Variants in ANK1 observed in about 807,000 individuals in gnomAD.
ANK1 encodes the protein ankyrin 1, also known as ankyrin-1.
In ANK1, 51 loss-of-function variants were observed where a neutral mutation model predicts 210.4. That is an observed-to-expected ratio of 0.24 (90% CI 0.19 to 0.31). The LOEUF (loss-of-function observed/expected upper bound fraction) is 0.31, where lower values mean the gene tolerates loss of function less well. ANK1 is among the 10% of genes least tolerant of loss of function. The probability of loss-of-function intolerance (pLI) is 1.00; values close to 1 mark genes in which losing one functional copy is unlikely to be tolerated. For synonymous variants in ANK1, 967 were observed against 1,025.9 expected (o/e 0.94, Z 1.10); for missense variants, 2,051 against 2,504.4 (o/e 0.82, Z 3.86).
Position 41,722,182 on chromosome 8 carries a change from C to T in ANK1, c.909+943G>A, listed in dbSNP as rs146224246. 3.7e-3 allele frequency among the ~76,000 whole-genome samples: 568 copies of T among 152,262 alleles called. 4 individuals carry two copies. The highest frequency in any genetic ancestry group is 5.4e-3 in the Non-Finnish European group (369 of 68,018). ...GGCAAGACACACGTTCATAGTCACA[C>T]GGCAAATCAGCCAAGGATGGAGGGC... is the stretch of plus-strand genomic sequence containing the variant. On this transcript the variant is annotated intron_variant, in intron 9 of 42. Transcript: ENST00000289734.
intron 1 of ANK1, among the ~76,000 whole-genome samples, chr8:41,858,651 C>T (rs1812668165): frequency 2.0e-5 from 3 of 152,208 alleles, no homozygotes; most frequent in Non-Finnish European, 2.9e-5. Context: ...AGATTAGGCC[C>T]GGATTCCGCT....
At chr8:41,722,100 A>G (rs1258951305) in intron 9 of ANK1, among the ~76,000 whole-genome samples, 2 of 152,200 alleles carry the variant, frequency 1.3e-5, no homozygotes, top group African/African-American at 4.8e-5. Context: ...GGTCATCCCA[A>G]TAATCCTAGG....
chr8:41,886,852 G>C (rs1818524624), intron 1 of ANK1, among the ~76,000 whole-genome samples: 1 of 152,186 alleles, frequency 6.6e-6, no homozygotes, highest in Admixed American at 6.5e-5. Flanking sequence ...AAAGAAGGGA[G>C]TGTCAGGATC....
chr8:41,692,948 G>T, intron 30 of ANK1, 72 bp from the exon 31 acceptor site: 1 of 1,549,150 alleles, frequency 6.5e-7, no homozygotes, highest in Non-Finnish European at 8.9e-7. Context: ...GACGGGAGCA[G>T]CCCGTGAGCC....
At chr8:41,701,020 C>T (rs1262200022) in intron 22 of ANK1, among the ~76,000 whole-genome samples, 29 of 152,184 alleles carry the variant, frequency 1.9e-4, no homozygotes, top group Admixed American at 1.6e-3. Context: ...CCTCCAACCT[C>T]GGCTGCCCAA....
At chr8:41,787,095 G>A (rs896913192) in intron 1 of ANK1, among the ~76,000 whole-genome samples, 1 of 152,212 alleles carries the variant, frequency 6.6e-6, no homozygotes, top group Non-Finnish European at 1.5e-5. Context: ...GGGGGCCATG[G>A]CCTTAAGGGG....
At chr8:41,707,013 T>C (rs7842694) in intron 17 of ANK1, among the ~76,000 whole-genome samples, 51,927 of 152,114 alleles carry the variant, frequency 0.34, 9,494 homozygotes, top group African/African-American at 0.46. Context: ...GGCAGGAGAA[T>C]CACTTGAACC....
intron 36 of ANK1, among the ~76,000 whole-genome samples, chr8:41,685,378 T>A (rs1046024024): frequency 6.6e-6 from 1 of 152,268 alleles, no homozygotes; most frequent in Non-Finnish European, 1.5e-5. Context: ...GATGCAAATG[T>A]AAACACTCAA....
intron 42 of ANK1, among the ~76,000 whole-genome samples, chr8:41,659,459 G>A (rs894780105): frequency 1.3e-5 from 2 of 152,228 alleles, no homozygotes; most frequent in African/African-American, 4.8e-5. Context: ...TGGGGCTACA[G>A]ATAAATGTTA....
chr8:41,802,597 C>T (rs903068113), upstream of ANK1, among the ~76,000 whole-genome samples: 2 of 152,044 alleles, frequency 1.3e-5, no homozygotes, highest in Non-Finnish European at 2.9e-5. Context: ...TAATATTGTC[C>T]GCAATAAGTC....
At chr8:41,700,144 C>T (rs1000926090) in intron 22 of ANK1, among the ~76,000 whole-genome samples, 1 of 152,214 alleles carries the variant, frequency 6.6e-6, no homozygotes, top group African/African-American at 2.4e-5. Context: ...GAGTGAGCAC[C>T]ATGGCTTGTG....
At chr8:41,896,350 C>T (rs748031718) in intron 1 of ANK1, 6 of 1,594,308 alleles carry the variant, frequency 3.8e-6, no homozygotes, top group East Asian at 4.7e-5. Flanking sequence ...GCCGCCCCCT[C>T]CTACCTTCTT....
chr8:41,662,829 A>G lies in ANK1; in HGVS notation c.5478+830T>C, dbSNP rs377638953. Among the ~76,000 whole-genome samples, 17 of 151,704 alleles carry G rather than the reference A, an allele frequency of 1.1e-4. No homozygotes were observed. The East Asian group carries it at 2.7e-3, about 24-fold the overall frequency. The stretch of plus-strand genomic sequence containing the variant: ...CCTCAGCTCCTCCTCTATTTTACCC[A>G]TAGCTAGCACCGTGCCCCACACTTG... On this transcript the variant is annotated intron_variant, in intron 40 of 42. Coordinates refer to ENST00000289734, the MANE Select transcript of ANK1 (RefSeq NM_000037.4).
At chr8:41,668,880 G>C (rs111293997) in intron 38 of ANK1, among the ~76,000 whole-genome samples, 4,562 of 152,074 alleles carry the variant, frequency 0.03, 215 homozygotes, top group African/African-American at 0.099. Flanking sequence ...CCAAACACTG[G>C]GGCCTCCACA....
intron 2 of ANK1, among the ~76,000 whole-genome samples, chr8:41,739,924 TACA>T (rs1427266336): frequency 6.6e-6 from 1 of 152,122 alleles, no homozygotes; most frequent in Admixed American, 6.6e-5. Context: ...TCTTCCTTAT[TACA>T]ACATGTTAGG....
chr8:41,796,171 G>A (rs780084916), intron 1 of ANK1, among the ~76,000 whole-genome samples: 1 of 152,102 alleles, frequency 6.6e-6, no homozygotes, highest in Non-Finnish European at 1.5e-5. Flanking sequence ...TTTCATAACC[G>A]AGTAACTCAC....
chr8:41,835,377 G>A (rs753974495), intron 1 of ANK1, among the ~76,000 whole-genome samples: 5 of 152,184 alleles, frequency 3.3e-5, no homozygotes, highest in Non-Finnish European at 5.9e-5. Flanking sequence ...GCTTGAACCC[G>A]GGAGGTGGAG....
At chr8:41,760,081 G>T (rs1368049590) in intron 1 of ANK1, among the ~76,000 whole-genome samples, 2 of 152,186 alleles carry the variant, frequency 1.3e-5, no homozygotes, top group Non-Finnish European at 2.9e-5. Context: ...CCCACCCCAT[G>T]CATCTCAGAC....
intron 1 of ANK1, among the ~76,000 whole-genome samples, chr8:41,781,440 G>T (rs561844466): frequency 6.6e-6 from 1 of 152,350 alleles, no homozygotes; most frequent in African/African-American, 2.4e-5. Flanking sequence ...GCACAGCTGT[G>T]CACGGTGCCT....
Sources: allele counts gnomAD v4.1 joint callset (sites outside exome capture counted in the v4.1 genomes callset), GRCh38; gene constraint gnomAD v4.1.1; transcripts MANE v1.5; gene names NCBI Gene and HGNC (gene_info 2026-07-23, HGNC 2026-07-21).